ABCB7: variants seen among roughly 807,000 people sequenced by gnomAD.
ABCB7 encodes ATP binding cassette subfamily B member 7.
A neutral mutation model predicts 54.4 loss-of-function variants in ABCB7; 7 were observed. That is an observed-to-expected ratio of 0.13 (90% CI 0.07 to 0.24). ABCB7 has a LOEUF of 0.24. Among genes scored for constraint, ABCB7 ranks in the 10% least tolerant of loss-of-function variants. ABCB7 has a pLI of 1.00. For missense variants in ABCB7, 356 were observed against 570.4 expected, an observed-to-expected ratio of 0.62 and a Z score of 3.83; for synonymous variants, 218 against 207.1, an observed-to-expected ratio of 1.05 and a Z score of -0.45.
Position 75,069,362 on chromosome X carries a change from T to C in ABCB7, c.1458A>G (p.Lys486=). The change falls in exon 11 of 16, where the codon AAA becomes AAG. Residue 486 remains lysine, a synonymous_variant. Transcript: ENST00000373394. ...NVHFEYIEGQ[K]VLSGISFEVP... ...CTTCAAAGGATATTCCACTAAGGAC[T>C]TTCTGGCCCTCAATGTATTCAAAAT... 8.3e-7 allele frequency: 1 copy of C among 1,211,240 alleles called. No individual in the cohort carries two copies. The highest frequency in any genetic ancestry group is 1.7e-5 in the African/African-American group (1 of 57,737).
At chrX:75,153,760 G>GTATATATATATATA (rs55904708) in intron 1 of ABCB7, among the ~76,000 whole-genome samples, 38 of 93,954 alleles carry the variant, frequency 4.0e-4, no homozygotes, top group Admixed American at 6.2e-4. Context: ...GTGTGTGTGT[G>GTATATATATATATA]TATATATATA....
At chrX:75,105,960 A>C (rs2081696870) in intron 3 of ABCB7, among the ~76,000 whole-genome samples, 1 of 111,620 alleles carries the variant, frequency 9.0e-6, no homozygotes, top group South Asian at 3.7e-4. Context: ...CACTGGACCC[A>C]TATCTCTCAC....
rs150273961 is a variant in ABCB7 at position 75,065,137 on chromosome X, A to G, written c.1764T>C (p.His588=). The part of the protein sequence containing the change: ...VYAVAKLAGL[H]DAILRMPHGY... ...CATGTGGCATTCGAAGAATTGCATC[A>G]TGAAGTCCAGCTAATTTTGCCACTG... is the stretch of plus-strand genomic sequence containing the variant. The change falls in exon 13 of 16, where the codon CAT becomes CAC. Residue 588 remains histidine, a synonymous_variant. Transcript: ENST00000373394. 217 of 1,209,358 alleles carry G rather than the reference A, an allele frequency of 1.8e-4. 3 individuals are homozygous for G. In the African/African-American group the frequency reaches 3.1e-3, roughly 17 times the overall value.
chrX:75,073,712 G>A lies in ABCB7; in HGVS notation c.1009C>T (p.Leu337=). Residue 337 remains leucine (L), a synonymous_variant, in exon 8 of 16, where the codon CTG becomes TTG. Transcript: ENST00000373394. ...ACCTTCACAGTTTCATAATTCAGCAGTGAGTCTATAGCAGCATTACCTGCA... is the reference window on the plus strand; with the variant it reads ...ACCTTCACAGTTTCATAATTCAGCAATGAGTCTATAGCAGCATTACCTGCA... ...NDAGNAAIDS[L]LNYETVKYFN... is the part of the protein sequence containing the mutation. The A allele has an allele frequency of 8.3e-7, 1 of 1,202,448 alleles. No individual in the cohort carries two copies. Among genetic ancestry groups the A allele is most frequent in the Non-Finnish European group, 1.1e-6 (1 of 887,147 alleles).
intron 1 of ABCB7, among the ~76,000 whole-genome samples, chrX:75,123,441 T>A (rs1159833694): frequency 8.9e-6 from 1 of 111,810 alleles, no homozygotes; most frequent in Non-Finnish European, 1.9e-5. Flanking sequence ...AGCTTTGTAA[T>A]TTGAAATTAG....
chrX:75,051,245 C>G lies in ABCB7; in HGVS notation c.*2125G>C, dbSNP rs756350905. ...GCATCACTTACTCTGGCAGCAAAGA[C>G]TACGAAATACTGGTTTCATGTTACT... On this transcript the variant is annotated 3_prime_UTR_variant, in exon 16 of 16. Transcript: ENST00000373394. Among the ~76,000 whole-genome samples, 10 of 110,964 alleles carry G rather than the reference C, an allele frequency of 9.0e-5. No homozygotes were observed. Among genetic ancestry groups the G allele is most frequent in the African/African-American group, 3.3e-4 (10 of 30,572 alleles).
chrX:75,057,996 T>C (rs2081254940), intron 15 of ABCB7, among the ~76,000 whole-genome samples: 1 of 110,788 alleles, frequency 9.0e-6, no homozygotes. Context: ...AAGCCAGTAA[T>C]TTCCTGATAA....
chrX:75,147,097 C>T (rs2082097184), intron 1 of ABCB7, among the ~76,000 whole-genome samples: 1 of 109,320 alleles, frequency 9.1e-6, no homozygotes, highest in Non-Finnish European at 1.9e-5. Context: ...TAGAGAAATG[C>T]AAATCAAAAT....
intron 3 of ABCB7, among the ~76,000 whole-genome samples, chrX:75,109,308 T>C (rs1422646833): frequency 2.7e-5 from 3 of 111,942 alleles, no homozygotes; most frequent in Non-Finnish European, 5.6e-5. Flanking sequence ...AATTTTCAGA[T>C]ATTAAAGATA....
At chrX:75,125,136 T>C (rs1364483321) in intron 1 of ABCB7, among the ~76,000 whole-genome samples, 14 of 111,763 alleles carry the variant, frequency 1.3e-4, no homozygotes, top group Admixed American at 1.0e-3. Context: ...TCATATAAGA[T>C]AGCATTTTCA....
In ABCB7 at chrX:75,062,421, C is replaced by T. The variant is rs1164805071; in HGVS notation, c.1842G>A (p.Lys614=). 4 of 1,207,808 alleles carry T rather than the reference C, an allele frequency of 3.3e-6. No individual in the cohort carries two copies. The African/African-American group carries it at 6.9e-5, about 21-fold the overall frequency. Residue 614 remains lysine, a synonymous_variant, in exon 14 of 16, where the codon AAG becomes AAA. Coordinates refer to ENST00000373394, the MANE Select transcript of ABCB7 (RefSeq NM_001271696.3). The part of the protein sequence containing the change: ...ERGLKLSGGE[K]QRVAIARAIL... Reference sequence around the variant, plus strand: ...TGGCTCTTGCAATTGCTACTCTTTGCTTTTCTCCTCCTGGTAAAGGAAAAT... The same window carrying T: ...TGGCTCTTGCAATTGCTACTCTTTGTTTTTCTCCTCCTGGTAAAGGAAAAT...
intron 8 of ABCB7, among the ~76,000 whole-genome samples, chrX:75,071,925 C>T (rs916310620): frequency 9.9e-5 from 11 of 110,970 alleles, no homozygotes; most frequent in Non-Finnish European, 1.5e-4. Context: ...AATTGCAACC[C>T]GACCTAAAAC....
chrX:75,145,924 G>A (rs2082087268), intron 1 of ABCB7, among the ~76,000 whole-genome samples: 2 of 110,927 alleles, frequency 1.8e-5, no homozygotes, highest in Non-Finnish European at 3.8e-5. Context: ...AAAATCACTA[G>A]CAGTGAGTCA....
chrX:75,120,500 T>A (rs1447115289), intron 1 of ABCB7, among the ~76,000 whole-genome samples: 1 of 110,126 alleles, frequency 9.1e-6, no homozygotes, highest in Non-Finnish European at 1.9e-5. Context: ...TCCGAGCTAC[T>A]TGGGAGGCTG....
intron 15 of ABCB7, among the ~76,000 whole-genome samples, chrX:75,054,599 G>A (rs544336934): frequency 9.5e-6 from 1 of 104,762 alleles, no homozygotes; most frequent in Admixed American, 1.0e-4. Flanking sequence ...CATTTGCTTA[G>A]TTTTCTGTGT....
chrX:75,095,471 C>A (rs1047560936), intron 4 of ABCB7, among the ~76,000 whole-genome samples: 2 of 112,914 alleles, frequency 1.8e-5, no homozygotes, highest in Admixed American at 9.3e-5. Context: ...AAACAATGAT[C>A]ACTTTTTAAA....
At chrX:75,145,141 C>T (rs2082082316) in intron 1 of ABCB7, among the ~76,000 whole-genome samples, 1 of 110,906 alleles carries the variant, frequency 9.0e-6, no homozygotes, top group African/African-American at 3.3e-5. Flanking sequence ...AGATTCACAG[C>T]TGAATTCTAC....
chrX:75,089,848 C>A (rs2081530659), intron 4 of ABCB7, among the ~76,000 whole-genome samples: 1 of 108,116 alleles, frequency 9.2e-6, no homozygotes, highest in Non-Finnish European at 1.9e-5. Flanking sequence ...AATTACAGAC[C>A]CAATTTTAAA....
intron 4 of ABCB7, among the ~76,000 whole-genome samples, chrX:75,090,672 A>G (rs2081537725): frequency 9.0e-6 from 1 of 111,074 alleles, no homozygotes; most frequent in South Asian, 3.7e-4. Flanking sequence ...GAAAAAAGGA[A>G]ATCAACAAAA....
Sources: allele counts gnomAD v4.1 joint callset (sites outside exome capture counted in the v4.1 genomes callset), GRCh38; gene constraint gnomAD v4.1.1; transcripts MANE v1.5; gene names NCBI Gene and HGNC (gene_info 2026-07-23, HGNC 2026-07-21).